SLC2A10: variants seen among roughly 807,000 people sequenced by gnomAD.
SLC2A10 encodes the protein solute carrier family 2, facilitated glucose transporter member 10.
Under a neutral mutation model 32.1 loss-of-function variants are expected in SLC2A10, and 25 were observed. The ratio of observed to expected loss-of-function variants is 0.78; its 90% CI spans 0.57 to 1.09. The LOEUF (loss-of-function observed/expected upper bound fraction) is 1.09, where lower values mean the gene tolerates loss of function less well. Among genes scored for constraint, SLC2A10 ranks in the 50% least tolerant of loss-of-function variants. The pLI is 0.00. For missense variants in SLC2A10, 673 were observed against 686.5 expected (o/e 0.98, Z 0.22); for synonymous variants, 332 against 309.6 (o/e 1.07, Z -0.76).
intron 4 of SLC2A10, among the ~76,000 whole-genome samples, chr20:46,729,844 G>A (rs1163783106): frequency 1.3e-5 from 2 of 151,658 alleles, no homozygotes; most frequent in Non-Finnish European, 2.9e-5. Context: ...GGGTTTCACC[G>A]TGGTCTCGAT....
intron 1 of SLC2A10, among the ~76,000 whole-genome samples, chr20:46,722,875 C>G (rs375735600): frequency 6.6e-6 from 1 of 152,180 alleles, no homozygotes; most frequent in East Asian, 1.9e-4. Flanking sequence ...ACATGCAGCC[C>G]GTGTTCCTCA....
In SLC2A10 at chr20:46,725,725, G is replaced by C. The variant is rs1445834927; in HGVS notation, c.689G>C (p.Gly230Ala). The stretch of plus-strand genomic sequence containing the variant: ...TTCAGGGCACGCGATAACATGCGAG[G>C]CCGGACCACAGTGGGCCTGGGGCTG... ...DLFRARDNMR[G>A]RTTVGLGLVL... is the part of the protein sequence containing the mutation. The change falls in exon 2 of 5, where the codon GGC becomes GCC. Residue 230 changes from glycine (G) to alanine (A), a missense_variant. Transcript: ENST00000359271. 1 of 1,614,000 alleles carries C rather than the reference G, an allele frequency of 6.2e-7. No individual in the cohort carries two copies. Among genetic ancestry groups the C allele is most frequent in the Non-Finnish European group, 8.5e-7 (1 of 1,180,036 alleles).
intron 1 of SLC2A10, among the ~76,000 whole-genome samples, chr20:46,712,854 C>T (rs564063348): frequency 1.8e-4 from 28 of 151,930 alleles, no homozygotes; most frequent in Non-Finnish European, 3.1e-4. Context: ...GGGGTTTCAC[C>T]GTGTTACCCA....
chr20:46,714,801 C>T (rs933488897), intron 1 of SLC2A10, among the ~76,000 whole-genome samples: 4 of 152,244 alleles, frequency 2.6e-5, no homozygotes, highest in South Asian at 4.1e-4. Flanking sequence ...TGTTCTTCCT[C>T]GTCTTCCTAA....
chr20:46,715,634 G>T (rs536837994), intron 1 of SLC2A10, among the ~76,000 whole-genome samples: 1 of 152,104 alleles, frequency 6.6e-6, no homozygotes, highest in East Asian at 1.9e-4. Flanking sequence ...GAGCAGAAGT[G>T]GGGGTGGAGA....
chr20:46,709,770 A>C (rs1182424984), intron 1 of SLC2A10, 30 bp downstream of exon 1: 2 of 1,546,996 alleles, frequency 1.3e-6, no homozygotes, highest in Admixed American at 2.0e-5. Flanking sequence ...TGCCTGCTGG[A>C]AGCCCGACCC....
intron 1 of SLC2A10, among the ~76,000 whole-genome samples, chr20:46,715,013 A>G (rs1979151009): frequency 6.6e-6 from 1 of 152,142 alleles, no homozygotes; most frequent in Non-Finnish European, 1.5e-5. Flanking sequence ...TCTTAAGGAC[A>G]TGGGTTTGGG....
Position 46,709,754 on chromosome 20 carries a change from G to C in SLC2A10, c.4+14G>C, listed in dbSNP as rs750912876. ...CGCTCGCCATGGGTAAGTCCCGATC[G>C]GGCGCTGCCTGCTGGAAGCCCGACC... is the stretch of plus-strand genomic sequence containing the variant. On this transcript the variant is annotated intron_variant, in intron 1 of 4. Coordinates refer to ENST00000359271, the MANE Select transcript of SLC2A10 (RefSeq NM_030777.4). 1.7e-5 allele frequency: 26 copies of C among 1,547,414 alleles called. No homozygotes were observed. In the African/African-American group the frequency reaches 3.3e-4, roughly 20 times the overall value.
rs1980437976 is a variant in SLC2A10, at chr20:46,733,960, G to T, written c.*126G>T. Reference sequence around the variant, plus strand: ...GGGAGTGGCCCCTGCCCCCAAAGGTGGTCTGCTTTTGCTGGGGTAAAAAGG... The same window carrying T: ...GGGAGTGGCCCCTGCCCCCAAAGGTTGTCTGCTTTTGCTGGGGTAAAAAGG... On this transcript the variant is annotated 3_prime_UTR_variant, in exon 5 of 5. Coordinates refer to ENST00000359271, the MANE Select transcript of SLC2A10 (RefSeq NM_030777.4). 1.2e-5 allele frequency: 11 copies of T among 880,694 alleles called. No individual in the cohort carries two copies. The East Asian group carries it at 2.9e-4, about 23-fold the overall frequency. The allele number at this position is 880,694 out of a possible 1,614,324, so 54.6% of individuals were successfully genotyped here.
At chr20:46,720,470 A>G (rs549294031) in intron 1 of SLC2A10, among the ~76,000 whole-genome samples, 1 of 152,298 alleles carries the variant, frequency 6.6e-6, no homozygotes, top group Admixed American at 6.5e-5. Context: ...CAGAATTATT[A>G]TTTTTGAGCT....
At chr20:46,726,355 G>A in intron 2 of SLC2A10, 31 bp downstream of exon 2, 2 of 1,600,068 alleles carry the variant, frequency 1.2e-6, no homozygotes. Context: ...GGTGACTCTG[G>A]AGACTTCTAC....
At chr20:46,709,518 G>A (rs1482507856), upstream of SLC2A10, 3 of 491,280 alleles carry the variant, frequency 6.1e-6, no homozygotes, top group Non-Finnish European at 1.0e-5. Flanking sequence ...TGGGGCGGCC[G>A]GGGGCGGTCC....
intron 3 of SLC2A10, among the ~76,000 whole-genome samples, chr20:46,728,604 G>GT (rs778644499): frequency 0.044 from 4,432 of 101,148 alleles, 90 homozygotes; most frequent in Non-Finnish European, 0.054. Context: ...TTCTGGGTGT[G>GT]TTTTTTTTTT....
intron 4 of SLC2A10, among the ~76,000 whole-genome samples, chr20:46,732,289 T>A (rs1980342227): frequency 1.4e-5 from 2 of 147,272 alleles, no homozygotes; most frequent in Non-Finnish European, 2.9e-5. Context: ...CCTCAGGGGA[T>A]ATAACAAAAA....
chr20:46,709,451 T>C (rs1978769704), upstream of SLC2A10: 5 of 434,936 alleles, frequency 1.1e-5, no homozygotes, highest in South Asian at 2.3e-4. Flanking sequence ...ACCCGGGAGA[T>C]GGCGGGTGGG....
At chr20:46,732,903 G>A (rs188429902) in intron 4 of SLC2A10, among the ~76,000 whole-genome samples, 2 of 152,306 alleles carry the variant, frequency 1.3e-5, no homozygotes, top group African/African-American at 2.4e-5. Flanking sequence ...AACAGCAAGA[G>A]CAAAGGCCCG....
In SLC2A10 at chr20:46,736,316, T is replaced by A. The variant is rs1414419618; in HGVS notation, c.*2482T>A. 1.3e-5 allele frequency: 2 copies of A among 152,166 alleles called. No individual in the cohort carries two copies. Among genetic ancestry groups the A allele is most frequent in the East Asian group, 3.8e-4 (2 of 5,198 alleles). The allele number at this position is 152,166 out of a possible 1,614,324, so 9.4% of individuals were successfully genotyped here. A position where few individuals can be genotyped will look rare whatever the true frequency, so the allele number is the denominator to read the frequency against. On this transcript the variant is annotated 3_prime_UTR_variant, in exon 5 of 5. Transcript: ENST00000359271. Reference sequence around the variant, plus strand: ...GATAGAATATTTACAATAAAGAGTATTTACAATAAAGAGTTTGTTATTATT... The same window carrying A: ...GATAGAATATTTACAATAAAGAGTAATTACAATAAAGAGTTTGTTATTATT...
At chr20:46,710,805 T>A (rs1245124871) in intron 1 of SLC2A10, among the ~76,000 whole-genome samples, 2 of 152,182 alleles carry the variant, frequency 1.3e-5, no homozygotes. Flanking sequence ...AGTTCAGATT[T>A]TATTGCAAAT....
rs1235636002 is a variant in SLC2A10, at chr20:46,736,122, A to G, written c.*2288A>G. On this transcript the variant is annotated 3_prime_UTR_variant, in exon 5 of 5. Coordinates refer to ENST00000359271, the MANE Select transcript of SLC2A10 (RefSeq NM_030777.4). The stretch of plus-strand genomic sequence containing the variant: ...AATATTCTGTAAGAATCAATTGTCT[A>G]TATGGAATTTAGGATAAAGAATATT... 2 of 152,234 alleles carry G rather than the reference A, an allele frequency of 1.3e-5. No homozygotes were observed. Among genetic ancestry groups the G allele is most frequent in the African/African-American group, 4.8e-5 (2 of 41,458 alleles). 9.4% of individuals were successfully genotyped at this position (152,234 alleles called of 1,614,324 possible).
Sources: allele counts gnomAD v4.1 joint callset (sites outside exome capture counted in the v4.1 genomes callset), GRCh38; gene constraint gnomAD v4.1.1; transcripts MANE v1.5; gene names NCBI Gene and HGNC (gene_info 2026-07-23, HGNC 2026-07-21).